The following SBF2 variants were observed in gnomAD, a reference collection of about 807,000 sequenced individuals.
SBF2 encodes SET binding factor 2.
A neutral mutation model predicts 225.2 loss-of-function variants in SBF2; 112 were observed. The observed-to-expected ratio is 0.50, with a 90% CI of 0.43 to 0.58. SBF2 has a LOEUF of 0.58. Among genes scored for constraint, SBF2 ranks in the 20% least tolerant of loss-of-function variants. The probability of loss-of-function intolerance (pLI) is 0.00; values close to 1 mark genes in which losing one functional copy is unlikely to be tolerated. For missense variants in SBF2, 1,996 were observed against 2,206.2 expected, an observed-to-expected ratio of 0.90 and a Z score of 1.91; for synonymous variants, 763 against 773.3, an observed-to-expected ratio of 0.99 and a Z score of 0.22.
At chr11:10,202,476 T>C (rs778561236) in intron 1 of SBF2, among the ~76,000 whole-genome samples, 2 of 152,154 alleles carry the variant, frequency 1.3e-5, no homozygotes, top group Admixed American at 1.3e-4. Context: ...ATTCTCCCAC[T>C]AGCTATATAA....
intron 13 of SBF2, among the ~76,000 whole-genome samples, chr11:9,974,960 C>CAAAAAAAA (rs1166081188): frequency 0.058 from 1,318 of 22,562 alleles, 181 homozygotes; most frequent in East Asian, 0.083. Flanking sequence ...AACTTTGACT[C>CAAAAAAAA]AAAAAAAAAA....
At chr11:10,210,939 G>A (rs1957919501) in intron 1 of SBF2, among the ~76,000 whole-genome samples, 1 of 147,648 alleles carries the variant, frequency 6.8e-6, no homozygotes, top group African/African-American at 2.5e-5. Flanking sequence ...TTTGAACCCA[G>A]GAGGCGGAGG....
chr11:9,943,113 G>GAT (rs1565039591), intron 16 of SBF2, among the ~76,000 whole-genome samples: 1 of 152,028 alleles, frequency 6.6e-6, no homozygotes, highest in Non-Finnish European at 1.5e-5. Flanking sequence ...ATAAAAAAGG[G>GAT]GTTATTGCAA....
intron 17 of SBF2, among the ~76,000 whole-genome samples, chr11:9,868,790 T>G (rs930237720): frequency 2.0e-5 from 3 of 152,220 alleles, no homozygotes. Context: ...TTGTCCTCTG[T>G]GTTTTCCTAC....
intron 16 of SBF2, among the ~76,000 whole-genome samples, chr11:9,916,153 A>G (rs1863073876): frequency 6.6e-6 from 1 of 152,200 alleles, no homozygotes; most frequent in African/African-American, 2.4e-5. Context: ...ATACTAGCAA[A>G]GATAAACTAA....
chr11:9,948,883 C>T (rs1865706029), intron 16 of SBF2, among the ~76,000 whole-genome samples: 1 of 152,184 alleles, frequency 6.6e-6, no homozygotes, highest in Non-Finnish European at 1.5e-5. Flanking sequence ...CCATTACCCT[C>T]AATAGATTTA....
At chr11:10,164,253 T>C (rs1319116854) in intron 2 of SBF2, among the ~76,000 whole-genome samples, 2 of 152,198 alleles carry the variant, frequency 1.3e-5, no homozygotes, top group Non-Finnish European at 2.9e-5. Context: ...TCACATGAAC[T>C]GCAGGTCTTA....
At position 10,279,106 on chromosome 11, in the gene SBF2, T is replaced by TAAA. The variant is rs58093618; in HGVS notation, c.55+14906_55+14908dup. Among the ~76,000 whole-genome samples, 103 of 56,092 alleles carry TAAA rather than the reference T, an allele frequency of 1.8e-3. 1 individual carries two copies. The highest frequency in any genetic ancestry group is 2.4e-3 in the Non-Finnish European group (76 of 31,634). 36.8% of individuals were successfully genotyped at this position (56,092 alleles called of 152,430 possible). ...AACAGAACAAGACCCGGTCTTGTAT[T>TAAA]AAAAAAAAAAAAAAAAAAAAAAAAG... On this transcript the variant is annotated intron_variant, in intron 1 of 39. Coordinates refer to ENST00000256190, the MANE Select transcript of SBF2 (RefSeq NM_030962.4).
chr11:10,195,850 G>A (rs563149097), intron 1 of SBF2, among the ~76,000 whole-genome samples: 23 of 152,282 alleles, frequency 1.5e-4, no homozygotes, highest in African/African-American at 5.3e-4. Flanking sequence ...ATAGGGGAAT[G>A]AAGGATTTTG....
At chr11:9,940,720 A>G (rs150315843) in intron 16 of SBF2, among the ~76,000 whole-genome samples, 27 of 152,330 alleles carry the variant, frequency 1.8e-4, no homozygotes, top group African/African-American at 5.8e-4. Context: ...TTGCTGAGAT[A>G]CTAAGGACTC....
Position 10,028,569 on chromosome 11 carries a change from G to T in SBF2, c.514-12C>A, listed in dbSNP as rs770141264. On this transcript the variant is annotated splice_polypyrimidine_tract_variant and intron_variant, in intron 5 of 39. Transcript: ENST00000256190. ...AAAGAAAACAGCTTCTGCAGAATGG[G>T]AGAAACACAAACACACACACACACG... The T allele has an allele frequency of 3.9e-6, 6 of 1,533,630 alleles. No homozygotes were observed. The highest frequency in any genetic ancestry group is 5.4e-6 in the Non-Finnish European group (6 of 1,107,112).
intron 39 of SBF2, chr11:9,780,721 T>C (rs2133839880): frequency 1.7e-6 from 1 of 596,808 alleles, no homozygotes; most frequent in South Asian, 1.8e-5. Flanking sequence ...AGAAGGGTAC[T>C]GGCAGGAAAG....
rs192617877 is a variant in SBF2 at position 10,081,899 on chromosome 11, A to G, written c.142-38918T>C. Among the ~76,000 whole-genome samples, 88 of 152,220 alleles carry G rather than the reference A, an allele frequency of 5.8e-4. 1 individual carries two copies. The highest frequency in any genetic ancestry group is 6.8e-3 in the Middle Eastern group (2 of 294). On this transcript the variant is annotated intron_variant, in intron 2 of 39. Coordinates refer to ENST00000256190, the MANE Select transcript of SBF2 (RefSeq NM_030962.4). Reference sequence around the variant, plus strand: ...ACAAAGATTCAAGCAAATAGAAAGAAATTGAGACCAAAAAAATAAAACATA... The same window carrying G: ...ACAAAGATTCAAGCAAATAGAAAGAGATTGAGACCAAAAAAATAAAACATA...
intron 1 of SBF2, among the ~76,000 whole-genome samples, chr11:10,250,178 A>G (rs1446962120): frequency 6.6e-6 from 1 of 152,176 alleles, no homozygotes; most frequent in Non-Finnish European, 1.5e-5. Context: ...TTAAATACCA[A>G]GAAAATACTT....
At position 10,001,005 on chromosome 11, in the gene SBF2, A is replaced by T; in HGVS notation, c.770T>A (p.Ile257Asn). 6.3e-7 allele frequency: 1 copy of T among 1,578,524 alleles called. No individual in the cohort carries two copies. The highest frequency in any genetic ancestry group is 8.7e-7 in the Non-Finnish European group (1 of 1,147,776). ...AACTTCCAGTAGCTGAGCCGGGAGAATAGGGATATAAGGATAACTGGAAAT... is the reference window on the plus strand; with the variant it reads ...AACTTCCAGTAGCTGAGCCGGGAGATTAGGGATATAAGGATAACTGGAAAT... ...PLKYSYPYIP[I>N]LPAQLLEVLS... The change falls in exon 8 of 40, where the codon ATT (isoleucine) becomes AAT (asparagine). Residue 257 changes from isoleucine (I) to asparagine (N), a missense_variant. Ile to Asn is a moderately radical substitution (Grantham distance 149). Coordinates refer to ENST00000256190, the MANE Select transcript of SBF2 (RefSeq NM_030962.4).
chr11:9,882,827 A>C, intron 17 of SBF2, among the ~76,000 whole-genome samples: 1 of 148,930 alleles, frequency 6.7e-6, no homozygotes, highest in Non-Finnish European at 1.5e-5. Context: ...AAAACCACCA[A>C]AAAAAACCCA....
intron 2 of SBF2, among the ~76,000 whole-genome samples, chr11:10,061,161 G>A (rs968879199): frequency 6.6e-6 from 1 of 151,956 alleles, no homozygotes; most frequent in African/African-American, 2.4e-5. Context: ...ATCCCTTCAC[G>A]TTAAGAACTC....
intron 17 of SBF2, among the ~76,000 whole-genome samples, chr11:9,870,779 T>G (rs1375785952): frequency 1.3e-5 from 2 of 151,986 alleles, no homozygotes; most frequent in Non-Finnish European, 2.9e-5. Flanking sequence ...ATTGAGACTA[T>G]CCTGGCCAAC....
upstream of SBF2, among the ~76,000 whole-genome samples, chr11:10,294,751 G>C (rs1246057986): frequency 2.0e-5 from 3 of 152,188 alleles, no homozygotes; most frequent in Non-Finnish European, 4.4e-5. Context: ...TCAATGCCGG[G>C]TGGGCCGGGG....
Sources: allele counts gnomAD v4.1 joint callset (sites outside exome capture counted in the v4.1 genomes callset), GRCh38; gene constraint gnomAD v4.1.1; transcripts MANE v1.5; gene names NCBI Gene and HGNC (gene_info 2026-07-23, HGNC 2026-07-21).